Variants in WASHC2C observed in about 807,000 individuals in gnomAD.
WASHC2C encodes the protein Vaccinia Penetration Factor.
In WASHC2C, 73 loss-of-function variants were observed where a neutral mutation model predicts 142.2. The ratio of observed to expected loss-of-function variants is 0.51; its 90% CI spans 0.43 to 0.62. The LOEUF (loss-of-function observed/expected upper bound fraction) is 0.62. WASHC2C is among the 20% of genes least tolerant of loss of function. The pLI, the probability that WASHC2C is intolerant of heterozygous loss-of-function variation, is 0.00. For missense variants in WASHC2C, 969 were observed against 1,531.7 expected (o/e 0.63, Z 6.13); for synonymous variants, 337 against 565.5 (o/e 0.60, Z 5.73).
intron 4 of WASHC2C, among the ~76,000 whole-genome samples, chr10:45,739,806 T>C (rs1554866659): frequency 2.0e-5 from 3 of 152,060 alleles, no homozygotes; most frequent in African/African-American, 7.2e-5. Context: ...ACACACTAGT[T>C]GTACCTCTGC....
At chr10:45,742,496 G>A (rs1554868614) in intron 5 of WASHC2C, among the ~76,000 whole-genome samples, 1 of 151,782 alleles carries the variant, frequency 6.6e-6, no homozygotes, top group South Asian at 2.1e-4. Flanking sequence ...TAGTATTTTC[G>A]GTAGATATTG....
rs1234173766 is a variant in WASHC2C at position 45,772,622 on chromosome 10, C to T, written c.2040-634C>T. 2.6e-5 allele frequency among the ~76,000 whole-genome samples: 4 copies of T among 152,128 alleles called. 1 individual carries two copies. The highest frequency in any genetic ancestry group is 5.9e-5 in the Non-Finnish European group (4 of 68,030). On this transcript the variant is annotated intron_variant, in intron 20 of 30. Transcript: ENST00000623400. The stretch of plus-strand genomic sequence containing the variant: ...GTCGTAGCTACTTGAGAGGCTAAGG[C>T]AGGAGATCACTTGAGTTCAGGAATT...
intron 21 of WASHC2C, 135 bp from the exon 22 acceptor site, chr10:45,777,138 C>G (rs2057162447): frequency 1.5e-6 from 1 of 663,590 alleles, no homozygotes; most frequent in Admixed American, 2.9e-5. Context: ...GCTACCTTCA[C>G]TATCCTGTCC....
chr10:45,757,329 C>T (rs2054430969), intron 16 of WASHC2C, among the ~76,000 whole-genome samples, 190 bp downstream of exon 16: 1 of 147,968 alleles, frequency 6.8e-6, no homozygotes, highest in African/African-American at 2.5e-5. Context: ...AGGGTTTTGG[C>T]AAACACTTTA....
intron 20 of WASHC2C, among the ~76,000 whole-genome samples, chr10:45,771,198 C>G (rs2056547956): frequency 6.6e-6 from 1 of 151,842 alleles, no homozygotes; most frequent in Non-Finnish European, 1.5e-5. Flanking sequence ...AACCCCGTCT[C>G]TACTAAAAAT....
chr10:45,758,438 T>C (rs1439722929), intron 16 of WASHC2C, among the ~76,000 whole-genome samples: 1 of 152,200 alleles, frequency 6.6e-6, no homozygotes, highest in Non-Finnish European at 1.5e-5. Flanking sequence ...TCAGTTAATC[T>C]GTTAGCGGGC....
intron 3 of WASHC2C, among the ~76,000 whole-genome samples, chr10:45,732,930 G>C (rs1212493705): frequency 6.6e-6 from 1 of 152,300 alleles, no homozygotes; most frequent in Admixed American, 6.5e-5. Flanking sequence ...TTCCTGCACA[G>C]GTTTTTCCCT....
chr10:45,732,550 C>G (rs1311295922), intron 3 of WASHC2C, among the ~76,000 whole-genome samples: 1 of 151,864 alleles, frequency 6.6e-6, no homozygotes, highest in Admixed American at 6.6e-5. Flanking sequence ...AGGATTTTTT[C>G]TTTTTAAAGT....
intron 21 of WASHC2C, among the ~76,000 whole-genome samples, chr10:45,776,080 T>C (rs2057049703): frequency 6.6e-6 from 1 of 152,218 alleles, no homozygotes; most frequent in Non-Finnish European, 1.5e-5. Flanking sequence ...TGAAATTCTT[T>C]ATGCCTTCCA....
intron 18 of WASHC2C, among the ~76,000 whole-genome samples, chr10:45,764,538 T>C (rs534699624): frequency 6.7e-6 from 1 of 149,728 alleles, no homozygotes; most frequent in Non-Finnish European, 1.5e-5. Flanking sequence ...GACCATTGTC[T>C]TTCTTTCCCG....
Position 45,736,107 on chromosome 10 carries a change from T to TA in WASHC2C, c.292-1862dup, listed in dbSNP as rs113659681. Among the ~76,000 whole-genome samples, 329 of 139,762 alleles carry TA rather than the reference T, an allele frequency of 2.4e-3. 1 individual carries two copies. Among genetic ancestry groups the TA allele is most frequent in the African/African-American group, 7.7e-3 (291 of 37,702 alleles). 91.7% of individuals were successfully genotyped at this position (139,762 alleles called of 152,430 possible). A position where few individuals can be genotyped will look rare whatever the true frequency, so the allele number is the denominator to read the frequency against. On this transcript the variant is annotated intron_variant, in intron 3 of 30. Coordinates refer to ENST00000623400, the MANE Select transcript of WASHC2C (RefSeq NM_001330074.2). ...CAACGTGGTGAAACCCCATCTCTAC[T>TA]AAAAAAAAAAAAAATGCAGGCCGGG...
At chr10:45,758,814 A>G (rs375930289) in intron 16 of WASHC2C, among the ~76,000 whole-genome samples, 1 of 150,070 alleles carries the variant, frequency 6.7e-6, no homozygotes, top group African/African-American at 2.4e-5. Flanking sequence ...TGGCCAAACC[A>G]TCATTCTTTT....
rs868934145 is a variant in WASHC2C at position 45,760,868 on chromosome 10, A to C, written c.1635+1467A>C. Among the ~76,000 whole-genome samples, 11 of 150,396 alleles carry C rather than the reference A, an allele frequency of 7.3e-5. No individual in the cohort carries two copies. The South Asian group carries it at 2.3e-3, about 32-fold the overall frequency. On this transcript the variant is annotated intron_variant, in intron 17 of 30. Transcript: ENST00000623400. ...ACTTCCCACTAAAGTACGTGCCATG[A>C]GGGCAGGACTTTGTATTCCCTATTT...
At position 45,765,410 on chromosome 10, in the gene WASHC2C, T is replaced by G. The variant is rs529307248; in HGVS notation, c.1738-269T>G. Among the ~76,000 whole-genome samples the G allele has an allele frequency of 2.3e-3, 353 of 150,648 alleles. 2 individuals carry two copies. The highest frequency in any genetic ancestry group is 8.5e-3 in the African/African-American group (345 of 40,786). On this transcript the variant is annotated intron_variant, in intron 18 of 30. Coordinates refer to ENST00000623400, the MANE Select transcript of WASHC2C (RefSeq NM_001330074.2). Reference sequence around the variant, plus strand: ...TGACTGGATGGGGCTCAGTTTCTCCTTGTACTTCATGATCTCATTTGCATG... The same window carrying G: ...TGACTGGATGGGGCTCAGTTTCTCCGTGTACTTCATGATCTCATTTGCATG...
intron 19 of WASHC2C, among the ~76,000 whole-genome samples, 197 bp from the exon 20 acceptor site, chr10:45,769,252 G>T (rs2056311166): frequency 6.6e-6 from 1 of 151,138 alleles, no homozygotes; most frequent in Non-Finnish European, 1.5e-5. Flanking sequence ...CAAGTAGCTG[G>T]GACTACAGGC....
intron 17 of WASHC2C, among the ~76,000 whole-genome samples, chr10:45,761,619 G>T (rs543235759): frequency 6.6e-6 from 1 of 152,126 alleles, no homozygotes; most frequent in African/African-American, 2.4e-5. Context: ...AAAGGAATGC[G>T]TCCTGACTCC....
upstream of WASHC2C, chr10:45,727,179 G>A (rs1460111527): frequency 2.7e-6 from 4 of 1,455,652 alleles, no homozygotes; most frequent in Non-Finnish European, 2.7e-6. Context: ...GTCGGATCAC[G>A]TGCGGGTTCT....
intron 16 of WASHC2C, among the ~76,000 whole-genome samples, chr10:45,758,134 C>G (rs1414869352): frequency 6.6e-6 from 1 of 151,902 alleles, no homozygotes; most frequent in Non-Finnish European, 1.5e-5. Context: ...GATTATTTTC[C>G]TATGAATAGA....
intron 3 of WASHC2C, among the ~76,000 whole-genome samples, chr10:45,734,181 C>T (rs2597027): frequency 6.6e-5 from 10 of 152,008 alleles, no homozygotes; most frequent in African/African-American, 2.2e-4. Flanking sequence ...GCCGAGATCC[C>T]GCCACTGCAC....
Sources: gnomAD v4.1 joint callset for allele counts (sites outside exome capture counted in the v4.1 genomes callset) on GRCh38, gnomAD v4.1.1 for gene constraint, MANE v1.5 for transcripts, NCBI Gene and HGNC (gene_info 2026-07-23, HGNC 2026-07-21) for gene names.